The following NUP155 variants were observed in gnomAD, a reference collection of about 807,000 sequenced individuals.
The protein encoded by NUP155 is nucleoporin 155, also known as nuclear pore complex protein Nup155.
NUP155 carries 71 observed loss-of-function variants against 180.4 expected under a neutral mutation model. The observed-to-expected ratio is 0.39, with a 90% CI of 0.33 to 0.48. The LOEUF is 0.48. NUP155 is among the 20% of genes least tolerant of loss of function. The probability of loss-of-function intolerance (pLI) is 0.91; values close to 1 mark genes in which losing one functional copy is unlikely to be tolerated. For missense variants in NUP155, 1,553 were observed against 1,648.9 expected, an observed-to-expected ratio of 0.94 and a Z score of 1.01; for synonymous variants, 582 against 559.5, an observed-to-expected ratio of 1.04 and a Z score of -0.57.
chr5:37,314,410 G>GTTGGT (rs1198258239), intron 21 of NUP155, 82 bp from the exon 22 acceptor site: 2 of 1,070,038 alleles, frequency 1.9e-6, no homozygotes, highest in Admixed American at 4.3e-5. Flanking sequence ...AGTTAAGGTT[G>GTTGGT]AAATCCCTGT....
At chr5:37,310,794 A>C in intron 22 of NUP155, 51 bp from the exon 23 acceptor site, 1 of 1,300,840 alleles carries the variant, frequency 7.7e-7, no homozygotes, top group Non-Finnish European at 1.1e-6. Flanking sequence ...CATATTTCTA[A>C]ACATAATGAA....
At chr5:37,349,788 G>T (rs1746342232) in intron 7 of NUP155, among the ~76,000 whole-genome samples, 1 of 152,114 alleles carries the variant, frequency 6.6e-6, no homozygotes, top group African/African-American at 2.4e-5. Context: ...AAATCTCTCA[G>T]TTCATTAAAA....
Position 37,288,769 on chromosome 5 carries a change from GT to G in NUP155, c.*3130del, listed in dbSNP as rs1422909489. 1.7e-5 allele frequency: 1 copy of G among 59,660 alleles called. No homozygotes were observed. Among genetic ancestry groups the G allele is most frequent in the East Asian group, 5.3e-4 (1 of 1,878 alleles). 3.7% of individuals were successfully genotyped at this position (59,660 alleles called of 1,614,324 possible). A position where few individuals can be genotyped will look rare whatever the true frequency, so the allele number is the denominator to read the frequency against. ...AATTAAAAAAAAAAAAAAAAAAAAAGTAGGGGGGGTGGGGCTAGGCGCAGTG... is the reference window on the plus strand; with the variant it reads ...AATTAAAAAAAAAAAAAAAAAAAAAGAGGGGGGGTGGGGCTAGGCGCAGTG... On this transcript the variant is annotated 3_prime_UTR_variant, in exon 35 of 35. Transcript: ENST00000231498.
intron 6 of NUP155, among the ~76,000 whole-genome samples, chr5:37,350,893 G>A (rs974887367): frequency 1.3e-5 from 2 of 150,288 alleles, no homozygotes; most frequent in Non-Finnish European, 2.9e-5. Context: ...TTGCAAAAGT[G>A]CATTTTGTAT....
At chr5:37,341,057 T>C (rs375888519) in intron 11 of NUP155, 33 bp downstream of exon 11, 2 of 1,510,052 alleles carry the variant, frequency 1.3e-6, no homozygotes, top group Non-Finnish European at 1.8e-6. Context: ...TTTAAGAATA[T>C]AATCTTAAAT....
At chr5:37,328,467 A>C in intron 16 of NUP155, 47 bp from the exon 17 acceptor site, 3 of 1,329,336 alleles carry the variant, frequency 2.3e-6, no homozygotes, top group Non-Finnish European at 3.3e-6. Context: ...GAACATCTCA[A>C]TCTTTTGAAT....
chr5:37,352,172 A>G (rs553801506), intron 5 of NUP155, among the ~76,000 whole-genome samples: 1 of 152,276 alleles, frequency 6.6e-6, no homozygotes, highest in Admixed American at 6.5e-5. Flanking sequence ...CCTGGCCAAC[A>G]CAGTAAAACC....
chr5:37,334,402 G>A (rs1745184696), intron 12 of NUP155, among the ~76,000 whole-genome samples: 1 of 150,540 alleles, frequency 6.6e-6, no homozygotes, highest in African/African-American at 2.4e-5. Flanking sequence ...TTTTTCTGAG[G>A]CAGAGTCTCA....
chr5:37,328,740 G>C (rs1744769346), intron 16 of NUP155, among the ~76,000 whole-genome samples: 1 of 152,162 alleles, frequency 6.6e-6, no homozygotes, highest in Non-Finnish European at 1.5e-5. Flanking sequence ...CCCAACCTCA[G>C]GTGATCTGCC....
chr5:37,303,036 C>A, intron 28 of NUP155, 128 bp from the exon 29 acceptor site: 1 of 1,147,710 alleles, frequency 8.7e-7, no homozygotes, highest in Non-Finnish European at 1.2e-6. Flanking sequence ...GAAAAAAAAT[C>A]ATTAGATTTA....
intron 32 of NUP155, among the ~76,000 whole-genome samples, chr5:37,296,190 T>C (rs1487935800): frequency 2.0e-4 from 30 of 152,118 alleles, no homozygotes; most frequent in African/African-American, 7.0e-4. Flanking sequence ...CAACAGCTCA[T>C]TGAGAACGGG....
At chr5:37,302,961 T>C (rs760841133) in intron 28 of NUP155, 53 bp from the exon 29 acceptor site, 9 of 1,572,994 alleles carry the variant, frequency 5.7e-6, no homozygotes, top group Non-Finnish European at 7.9e-6. Flanking sequence ...GGATTGATGA[T>C]ACAAATACGT....
chr5:37,369,146 G>A (rs971962833), intron 1 of NUP155, among the ~76,000 whole-genome samples: 11 of 152,096 alleles, frequency 7.2e-5, no homozygotes, highest in Non-Finnish European at 1.0e-4. Context: ...CAGCTACTGG[G>A]GAGGGCAAGG....
At chr5:37,310,475 A>G in intron 23 of NUP155, 77 bp downstream of exon 23, 3 of 1,209,536 alleles carry the variant, frequency 2.5e-6, no homozygotes, top group Non-Finnish European at 3.6e-6. Flanking sequence ...GAGGTCCTAT[A>G]TTAAGTGAAA....
In NUP155 at chr5:37,304,852, A is replaced by C; in HGVS notation, c.3058-9T>G. ...TTAAGCATTTGTTCAAACTAAAATA[A>C]AGAAAATAGTAAAAATTAGCAGTTA... On this transcript the variant is annotated splice_polypyrimidine_tract_variant and intron_variant, in intron 26 of 34. Transcript: ENST00000231498. The C allele has an allele frequency of 6.2e-7, 1 of 1,610,406 alleles. No homozygotes were observed. Among genetic ancestry groups the C allele is most frequent in the Non-Finnish European group, 8.5e-7 (1 of 1,176,748 alleles).
chr5:37,317,998 C>T lies in NUP155; in HGVS notation c.2295G>A (p.Arg765=), dbSNP rs758150507. 6 of 1,595,190 alleles carry T rather than the reference C, an allele frequency of 3.8e-6. No homozygotes were observed. The highest frequency in any genetic ancestry group is 1.3e-5 in the African/African-American group (1 of 74,518). Residue 765 remains arginine, a synonymous_variant, in exon 21 of 35, where the codon AGG becomes AGA. Transcript: ENST00000231498. ...NPQQMQQELQ[R]KFHEAQLSEK... ...GAAGCAATAATTTACCATGAAACTT[C>T]CTCTGCAGTTCCTGTTGCATTTGCT...
At chr5:37,343,881 ACT>A (rs1462167435) in intron 9 of NUP155, among the ~76,000 whole-genome samples, 1 of 151,724 alleles carries the variant, frequency 6.6e-6, no homozygotes, top group African/African-American at 2.4e-5. Flanking sequence ...ACAGACTGAG[ACT>A]CTATCTCAAG....
chr5:37,336,636 G>A (rs988275949), intron 12 of NUP155, among the ~76,000 whole-genome samples: 4 of 152,046 alleles, frequency 2.6e-5, no homozygotes, highest in Admixed American at 2.6e-4. Context: ...TCCCAACCAG[G>A]ACAGGGTTTA....
chr5:37,301,698 C>A, intron 29 of NUP155, 148 bp from the exon 30 acceptor site: 1 of 671,038 alleles, frequency 1.5e-6, no homozygotes, highest in Non-Finnish European at 2.7e-6. Flanking sequence ...ATTATCATAA[C>A]AGACATCAAC....
Sources: allele counts gnomAD v4.1 joint callset (sites outside exome capture counted in the v4.1 genomes callset), GRCh38; gene constraint gnomAD v4.1.1; transcripts MANE v1.5; gene names NCBI Gene and HGNC (gene_info 2026-07-23, HGNC 2026-07-21).